RPA3: variants seen among roughly 807,000 people sequenced by gnomAD.
RPA3 encodes the protein replication protein A 14 kDa subunit.
Under a neutral mutation model 13.7 loss-of-function variants are expected in RPA3, and 24 were observed. That is an observed-to-expected ratio of 1.75 (90% CI 1.27 to 2.46). RPA3 has a LOEUF of 2.46. Among genes scored for constraint, RPA3 ranks in the 30% most tolerant of loss-of-function variants. RPA3 has a pLI of 0.00. For missense variants in RPA3, 183 were observed against 151.0 expected (o/e 1.21, Z -1.11); for synonymous variants, 59 against 51.2 (o/e 1.15, Z -0.65).
intron 4 of RPA3, among the ~76,000 whole-genome samples, chr7:7,682,989 C>T (rs17468300): frequency 0.011 from 1,605 of 152,222 alleles, 17 homozygotes; most frequent in Non-Finnish European, 0.018. Flanking sequence ...TTCAGTTTTT[C>T]GGAGGTGAAA....
chr7:7,646,158 C>CT (rs1364505439), intron 4 of RPA3, among the ~76,000 whole-genome samples: 1 of 152,160 alleles, frequency 6.6e-6, no homozygotes, highest in Non-Finnish European at 1.5e-5. Context: ...GTGTGACAGC[C>CT]TTTTTGGGTT....
At chr7:7,696,315 C>A (rs1780315965) in intron 2 of RPA3, among the ~76,000 whole-genome samples, 2 of 150,702 alleles carry the variant, frequency 1.3e-5, no homozygotes, top group Admixed American at 6.6e-5. Context: ...AAAAAAAACA[C>A]CCCAAAACAA....
intron 4 of RPA3, among the ~76,000 whole-genome samples, chr7:7,643,003 C>T (rs988069937): frequency 6.6e-6 from 1 of 152,060 alleles, no homozygotes; most frequent in East Asian, 1.9e-4. Flanking sequence ...GACGAATGTA[C>T]GTAGATCATA....
At chr7:7,643,520 G>A (rs984921959) in intron 4 of RPA3, among the ~76,000 whole-genome samples, 1 of 152,184 alleles carries the variant, frequency 6.6e-6, no homozygotes, top group Non-Finnish European at 1.5e-5. Flanking sequence ...AGACCACCCT[G>A]GTCAACATGG....
chr7:7,646,763 C>G (rs1785104966), intron 4 of RPA3, among the ~76,000 whole-genome samples: 1 of 152,046 alleles, frequency 6.6e-6, no homozygotes, highest in Non-Finnish European at 1.5e-5. Flanking sequence ...CGTCCCCAGC[C>G]AAACTCCCCT....
At chr7:7,642,313 T>C (rs1036791880) in intron 4 of RPA3, among the ~76,000 whole-genome samples, 17 of 151,672 alleles carry the variant, frequency 1.1e-4, no homozygotes, top group Non-Finnish European at 1.8e-4. Flanking sequence ...AAAGATTTTT[T>C]TTTTGTTGTT....
chr7:7,670,105 A>G (rs960326464), intron 4 of RPA3, among the ~76,000 whole-genome samples: 8 of 152,210 alleles, frequency 5.3e-5, no homozygotes, highest in African/African-American at 1.7e-4. Flanking sequence ...TATAAATTCC[A>G]TACACAATAC....
intron 4 of RPA3, among the ~76,000 whole-genome samples, chr7:7,649,886 C>G (rs191060442): frequency 2.0e-5 from 3 of 152,292 alleles, no homozygotes; most frequent in Non-Finnish European, 1.5e-5. Context: ...CTCCTTCAAC[C>G]ATATGAAATT....
intron 4 of RPA3, among the ~76,000 whole-genome samples, chr7:7,683,822 C>T (rs903634141): frequency 1.3e-5 from 2 of 152,122 alleles, no homozygotes; most frequent in Non-Finnish European, 2.9e-5. Context: ...AGGGTTTCAC[C>T]ATGTTGGCCA....
intron 2 of RPA3, among the ~76,000 whole-genome samples, chr7:7,708,592 A>G (rs954734861): frequency 6.6e-6 from 1 of 152,198 alleles, no homozygotes; most frequent in Non-Finnish European, 1.5e-5. Context: ...AAATAAGTCA[A>G]CATATTTGTC....
At chr7:7,706,301 A>G (rs1423861501) in intron 2 of RPA3, among the ~76,000 whole-genome samples, 2 of 152,190 alleles carry the variant, frequency 1.3e-5, no homozygotes, top group Non-Finnish European at 2.9e-5. Context: ...GGGAAAATCT[A>G]GAAGAGGTGG....
intron 4 of RPA3, among the ~76,000 whole-genome samples, chr7:7,666,831 G>T (rs903825124): frequency 6.6e-6 from 1 of 151,960 alleles, no homozygotes; most frequent in Non-Finnish European, 1.5e-5. Context: ...TTGAGACGAA[G>T]TTTCACTCTT....
At chr7:7,655,277 C>T (rs1330589138) in intron 4 of RPA3, among the ~76,000 whole-genome samples, 1 of 152,110 alleles carries the variant, frequency 6.6e-6, no homozygotes, top group Non-Finnish European at 1.5e-5. Flanking sequence ...CCTAGGATTT[C>T]CTGTATTGCG....
chr7:7,693,455 G>T (rs1780229627), intron 2 of RPA3, among the ~76,000 whole-genome samples: 1 of 152,036 alleles, frequency 6.6e-6, no homozygotes, highest in African/African-American at 2.4e-5. Flanking sequence ...AAGATGTTTT[G>T]GGGGAAGAAG....
intron 2 of RPA3, among the ~76,000 whole-genome samples, chr7:7,689,957 G>C (rs1056056475): frequency 3.3e-5 from 5 of 152,116 alleles, no homozygotes; most frequent in African/African-American, 1.2e-4. Context: ...ATATATAGGT[G>C]TTTTTACTGT....
intron 2 of RPA3, among the ~76,000 whole-genome samples, chr7:7,710,802 C>T (rs2115169194): frequency 6.6e-6 from 1 of 152,244 alleles, no homozygotes; most frequent in East Asian, 1.9e-4. Flanking sequence ...TATCCTTCAA[C>T]AGGTGAATGG....
intron 4 of RPA3, among the ~76,000 whole-genome samples, chr7:7,649,924 C>T (rs1047361094): frequency 6.6e-5 from 10 of 152,170 alleles, no homozygotes; most frequent in Admixed American, 2.0e-4. Context: ...GTCTGTGAAC[C>T]AGAAAGTGGG....
At chr7:7,649,694 G>GGC (rs1785180341) in intron 4 of RPA3, among the ~76,000 whole-genome samples, 1 of 151,160 alleles carries the variant, frequency 6.6e-6, no homozygotes, top group Admixed American at 6.6e-5. Context: ...TGGTGGGGGG[G>GGC]CCCACCCTAC....
intron 7 of RPA3, among the ~76,000 whole-genome samples, 166 bp downstream of exon 7, chr7:7,637,697 TA>T (rs1563070286): frequency 2.6e-5 from 4 of 151,794 alleles, no homozygotes; most frequent in African/African-American, 9.7e-5. Context: ...TACATACAGT[TA>T]TATAAAACTG....
Sources: allele counts gnomAD v4.1 joint callset (sites outside exome capture counted in the v4.1 genomes callset), GRCh38; gene constraint gnomAD v4.1.1; transcripts MANE v1.5; gene names NCBI Gene and HGNC (gene_info 2026-07-23, HGNC 2026-07-21).